The following UTP18 variants were observed in gnomAD, a reference collection of about 807,000 sequenced individuals.
UTP18 encodes UTP18 small subunit processome component.
In UTP18, 36 loss-of-function variants were observed where a neutral mutation model predicts 61.1. The observed-to-expected ratio is 0.59, with a 90% confidence interval of 0.45 to 0.78. The LOEUF (loss-of-function observed/expected upper bound fraction) is 0.78. Ranked by LOEUF, UTP18 falls within the 30% of genes least tolerant of loss-of-function variation. The pLI is 0.00. For missense variants in UTP18, 753 were observed against 693.9 expected (o/e 1.09, Z -0.96); for synonymous variants, 282 against 251.1 (o/e 1.12, Z -1.16).
chr17:51,269,888 T>G (rs1188164682), intron 4 of UTP18, among the ~76,000 whole-genome samples: 1 of 151,772 alleles, frequency 6.6e-6, no homozygotes, highest in Non-Finnish European at 1.5e-5. Flanking sequence ...AGAATCTCAC[T>G]CTGTCACCCA....
chr17:51,277,449 T>A, intron 7 of UTP18, 145 bp downstream of exon 7: 1 of 930,980 alleles, frequency 1.1e-6, no homozygotes. Flanking sequence ...GTCTTTGTGC[T>A]TTTGAGATAA....
chr17:51,287,666 G>GTT (rs920189677), intron 10 of UTP18, among the ~76,000 whole-genome samples: 1 of 152,190 alleles, frequency 6.6e-6, no homozygotes, highest in Non-Finnish European at 1.5e-5. Context: ...TTTGGATGTG[G>GTT]TGGGTGATAG....
intron 7 of UTP18, among the ~76,000 whole-genome samples, chr17:51,277,779 A>T (rs1027842143): frequency 6.6e-6 from 1 of 152,230 alleles, no homozygotes; most frequent in Admixed American, 6.5e-5. Context: ...TTAAAGAATG[A>T]ACTACTTAAA....
intron 8 of UTP18, 39 bp from the exon 9 acceptor site, chr17:51,280,350 A>T: frequency 1.3e-6 from 2 of 1,596,938 alleles, no homozygotes; most frequent in Non-Finnish European, 1.7e-6. Context: ...TCTTCTGTAT[A>T]CTTTCTAACA....
At chr17:51,263,554 A>G (rs2055529845) in intron 2 of UTP18, among the ~76,000 whole-genome samples, 168 bp downstream of exon 2, 1 of 152,222 alleles carries the variant, frequency 6.6e-6, no homozygotes, top group African/African-American at 2.4e-5. Flanking sequence ...CCGAGGGAGA[A>G]CTGCTGTTAG....
intron 5 of UTP18, among the ~76,000 whole-genome samples, chr17:51,274,974 G>T (rs1904667938): frequency 1.3e-5 from 2 of 151,792 alleles, no homozygotes; most frequent in African/African-American, 4.8e-5. Flanking sequence ...GAGGCGGGCA[G>T]ATCACCTGAG....
chr17:51,280,049 G>T lies in UTP18; in HGVS notation c.1057G>T (p.Gly353Trp). 6.2e-7 allele frequency: 1 copy of T among 1,614,024 alleles called. No individual in the cohort carries two copies. Among genetic ancestry groups the T allele is most frequent in the South Asian group, 1.1e-5 (1 of 91,034 alleles). The change falls in exon 8 of 14, where the codon GGG becomes TGG. Residue 353 changes from glycine (G) to tryptophan (W), a missense_variant. Physicochemically the swap from Gly to Trp is radical, Grantham distance 184. Coordinates refer to ENST00000225298, the MANE Select transcript of UTP18 (RefSeq NM_016001.3). ...IVRSFEVSPDGSFLLINGIAG... is the reference protein window; with the variant it reads ...IVRSFEVSPDWSFLLINGIAG... ...GAGGAGCTTTGAAGTCTCCCCAGAT[G>T]GGTCCTTCTTGCTCATAAATGGCAT...
chr17:51,291,210 A>C (rs138984854), intron 11 of UTP18, among the ~76,000 whole-genome samples: 1 of 152,276 alleles, frequency 6.6e-6, no homozygotes, highest in Non-Finnish European at 1.5e-5. Flanking sequence ...GGATCTTTAT[A>C]GGCATTTTTC....
intron 7 of UTP18, among the ~76,000 whole-genome samples, chr17:51,278,481 C>T (rs902056910): frequency 2.0e-5 from 3 of 152,254 alleles, no homozygotes; most frequent in Admixed American, 6.5e-5. Context: ...GCGCACCATG[C>T]GTTGGCCAAG....
intron 12 of UTP18, among the ~76,000 whole-genome samples, chr17:51,295,154 G>C (rs1015635503): frequency 3.3e-5 from 5 of 152,124 alleles, no homozygotes; most frequent in Admixed American, 2.6e-4. Flanking sequence ...TAGGTTGCCT[G>C]TTTACTCTGA....
intron 7 of UTP18, among the ~76,000 whole-genome samples, chr17:51,279,380 G>A (rs959377797): frequency 3.9e-5 from 6 of 152,308 alleles, no homozygotes; most frequent in African/African-American, 1.2e-4. Context: ...CCTTTTGTAA[G>A]TAAGTTGACT....
intron 9 of UTP18, among the ~76,000 whole-genome samples, chr17:51,282,011 C>G (rs77366127): frequency 6.6e-6 from 1 of 152,296 alleles, no homozygotes; most frequent in African/African-American, 2.4e-5. Context: ...GATTAACCTG[C>G]ACTGTCCTGC....
At chr17:51,261,268 A>G (rs2055469887) in intron 1 of UTP18, among the ~76,000 whole-genome samples, 1 of 152,176 alleles carries the variant, frequency 6.6e-6, no homozygotes, top group African/African-American at 2.4e-5. Context: ...CACCTGCCTC[A>G]GTTCCTTGTG....
chr17:51,282,182 C>T (rs1312870114), intron 9 of UTP18, among the ~76,000 whole-genome samples: 1 of 152,204 alleles, frequency 6.6e-6, no homozygotes. Context: ...GGGTAGTAGT[C>T]AGCAACCTCT....
intron 11 of UTP18, among the ~76,000 whole-genome samples, chr17:51,289,804 T>G (rs1007064254): frequency 1.3e-5 from 2 of 152,238 alleles, no homozygotes; most frequent in Admixed American, 6.5e-5. Context: ...GCCATCAGCT[T>G]TGTATTAGAA....
At chr17:51,261,377 G>A (rs946245396) in intron 1 of UTP18, among the ~76,000 whole-genome samples, 2 of 152,238 alleles carry the variant, frequency 1.3e-5, no homozygotes, top group African/African-American at 2.4e-5. Context: ...GACCCACCAT[G>A]TTTTGAGAAT....
chr17:51,274,964 G>A (rs1178291174), intron 5 of UTP18, among the ~76,000 whole-genome samples: 1 of 151,642 alleles, frequency 6.6e-6, no homozygotes, highest in African/African-American at 2.4e-5. Flanking sequence ...TTGGGAGGCC[G>A]AGGCGGGCAG....
At chr17:51,261,910 C>T (rs1171255732) in intron 1 of UTP18, among the ~76,000 whole-genome samples, 1 of 152,086 alleles carries the variant, frequency 6.6e-6, no homozygotes, top group African/African-American at 2.4e-5. Context: ...TTACTGGAAA[C>T]ATGCTGAACT....
chr17:51,269,517 CCT>C (rs1269095895), intron 4 of UTP18, among the ~76,000 whole-genome samples: 9 of 151,854 alleles, frequency 5.9e-5, no homozygotes, highest in African/African-American at 2.2e-4. Flanking sequence ...CGGAGTATAT[CCT>C]CTCACATCAT....
Sources: allele counts gnomAD v4.1 joint callset (sites outside exome capture counted in the v4.1 genomes callset), GRCh38; gene constraint gnomAD v4.1.1; transcripts MANE v1.5; gene names NCBI Gene and HGNC (gene_info 2026-07-23, HGNC 2026-07-21).